PTK2: variants seen among roughly 807,000 people sequenced by gnomAD.
The protein encoded by PTK2 is focal adhesion kinase 1.
PTK2 carries 45 observed loss-of-function variants against 150.1 expected under a neutral mutation model. The observed-to-expected ratio is 0.30, with a 90% CI of 0.24 to 0.38. The LOEUF is 0.38. Ranked by LOEUF, PTK2 falls within the 10% of genes least tolerant of loss-of-function variation. PTK2 has a pLI of 1.00. For missense variants in PTK2, 919 were observed against 1,307.3 expected, an observed-to-expected ratio of 0.70 and a Z score of 4.58; for synonymous variants, 432 against 449.2, an observed-to-expected ratio of 0.96 and a Z score of 0.48.
At chr8:140,903,476 G>C (rs1028106502) in intron 2 of PTK2, among the ~76,000 whole-genome samples, 1 of 152,094 alleles carries the variant, frequency 6.6e-6, no homozygotes, top group African/African-American at 2.4e-5. Flanking sequence ...GGATTGAGTT[G>C]GCTATGCGGG....
intron 5 of PTK2, among the ~76,000 whole-genome samples, chr8:140,848,278 A>T (rs549153305): frequency 6.6e-6 from 1 of 152,328 alleles, no homozygotes; most frequent in Non-Finnish European, 1.5e-5. Context: ...AATATGCACT[A>T]AAAAAGTATG....
chr8:140,993,613 G>C (rs1239324597), intron 1 of PTK2, among the ~76,000 whole-genome samples: 5 of 152,146 alleles, frequency 3.3e-5, no homozygotes, highest in Non-Finnish European at 5.9e-5. Flanking sequence ...GGTCAAGAGA[G>C]ACACAGACAC....
intron 7 of PTK2, chr8:140,832,758 A>G: frequency 4.0e-6 from 2 of 504,784 alleles, no homozygotes; most frequent in South Asian, 1.4e-5. Context: ...CCGAGAACAG[A>G]AAGGTGGGTG....
intron 5 of PTK2, among the ~76,000 whole-genome samples, chr8:140,854,270 G>A (rs1007860972): frequency 1.3e-5 from 2 of 152,134 alleles, no homozygotes; most frequent in African/African-American, 4.8e-5. Context: ...ATCAGGCTCA[G>A]GCATCTGAAG....
In PTK2 at chr8:140,816,354, A is replaced by C. The variant is rs138477959; in HGVS notation, c.867+1923T>G. 4.5e-3 allele frequency among the ~76,000 whole-genome samples: 682 copies of C among 152,354 alleles called. 4 individuals carry two copies. Among genetic ancestry groups the C allele is most frequent in the African/African-American group, 0.016 (646 of 41,588 alleles). On this transcript the variant is annotated intron_variant, in intron 10 of 31. Coordinates refer to ENST00000522684, the Ensembl canonical transcript of PTK2. ...TCCTGAAACACAATATCAAAAAAAA[A>C]GCACTTTCACAAAATTTCACAAAAA...
At chr8:140,676,933 G>A in intron 27 of PTK2, among the ~76,000 whole-genome samples, 1 of 98,358 alleles carries the variant, frequency 1.0e-5, no homozygotes. Context: ...AACAGAGGGA[G>A]ACTCCATCTC....
At chr8:140,947,531 C>T (rs2100178101) in intron 1 of PTK2, among the ~76,000 whole-genome samples, 1 of 152,086 alleles carries the variant, frequency 6.6e-6, no homozygotes, top group Admixed American at 6.6e-5. Flanking sequence ...ACATGCCACC[C>T]CACCTCCTAA....
In PTK2 at chr8:140,901,436, G is replaced by C. The variant is rs114438843; in HGVS notation, c.-32-10667C>G. Among the ~76,000 whole-genome samples the C allele has an allele frequency of 3.4e-3, 525 of 152,182 alleles. 6 individuals carry two copies. The highest frequency in any genetic ancestry group is 0.012 in the African/African-American group (507 of 41,520). Reference sequence around the variant, plus strand: ...AATAAGACAAATGGGATTACATCAAGATAAAAAGCCTCTGCAGAGCAAAAG... The same window carrying C: ...AATAAGACAAATGGGATTACATCAACATAAAAAGCCTCTGCAGAGCAAAAG... On this transcript the variant is annotated intron_variant, in intron 2 of 31. Transcript: ENST00000522684.
intron 1 of PTK2, chr8:140,940,619 T>A (rs969889228): frequency 1.3e-5 from 2 of 152,186 alleles, no homozygotes; most frequent in African/African-American, 4.8e-5. Flanking sequence ...TGGTTAGTAG[T>A]ATTGGGATTG....
At chr8:140,658,740 T>C (rs1160161483) in exon 32 of PTK2, 1 of 220,146 alleles carries the variant, frequency 4.5e-6, no homozygotes, top group East Asian at 6.7e-5. Flanking sequence ...GTACAAAGCA[T>C]TTCTGCTTCC....
At chr8:140,928,847 G>A (rs1227911058) in intron 1 of PTK2, among the ~76,000 whole-genome samples, 1 of 151,148 alleles carries the variant, frequency 6.6e-6, no homozygotes, top group African/African-American at 2.4e-5. Flanking sequence ...AAAAATTCTA[G>A]AGATCTGTTT....
At position 140,793,336 on chromosome 8, in the gene PTK2, A is replaced by C; in HGVS notation, c.1124+18T>G. ...TTCCAACAAAACAAAATAACAGTAC[A>C]AAAAAAGCAGTACTTACTTTGGTAT... On this transcript the variant is annotated intron_variant, in intron 13 of 31. Transcript: ENST00000522684. 1 of 1,598,802 alleles carries C rather than the reference A, an allele frequency of 6.3e-7. No homozygotes were observed. Among genetic ancestry groups the C allele is most frequent in the South Asian group, 1.1e-5 (1 of 86,998 alleles).
chr8:140,945,322 T>C (rs970904612), intron 1 of PTK2, among the ~76,000 whole-genome samples: 2 of 152,252 alleles, frequency 1.3e-5, no homozygotes, highest in African/African-American at 4.8e-5. Flanking sequence ...CTATGGCTCA[T>C]GCCTGTAATC....
At chr8:140,916,955 T>C (rs2100165484) in intron 2 of PTK2, among the ~76,000 whole-genome samples, 1 of 152,182 alleles carries the variant, frequency 6.6e-6, no homozygotes, top group Admixed American at 6.5e-5. Context: ...TTTGTGAGAA[T>C]GGAATAACAT....
intron 1 of PTK2, among the ~76,000 whole-genome samples, chr8:140,940,978 A>T (rs578183906): frequency 2.4e-4 from 36 of 152,216 alleles, no homozygotes; most frequent in South Asian, 6.2e-4. Flanking sequence ...CTCAAAAAAA[A>T]TTTTTTTAAT....
chr8:140,972,223 T>C (rs2100187559), intron 1 of PTK2, among the ~76,000 whole-genome samples: 1 of 152,172 alleles, frequency 6.6e-6, no homozygotes, highest in Non-Finnish European at 1.5e-5. Flanking sequence ...GACCTGTATT[T>C]TTTTAATTAT....
At chr8:140,785,232 C>T (rs536343455) in intron 14 of PTK2, among the ~76,000 whole-genome samples, 61 of 152,342 alleles carry the variant, frequency 4.0e-4, no homozygotes, top group African/African-American at 1.3e-3. Context: ...TTTCTGCTGT[C>T]GGTTCCCGCT....
chr8:140,895,616 T>G (rs938957923), intron 2 of PTK2, among the ~76,000 whole-genome samples: 48 of 152,254 alleles, frequency 3.2e-4, no homozygotes, highest in African/African-American at 1.1e-3. Context: ...GGGGGGATGG[T>G]TAATGCACAG....
intron 1 of PTK2, among the ~76,000 whole-genome samples, chr8:140,968,369 G>A (rs536237586): frequency 5.9e-5 from 9 of 152,030 alleles, no homozygotes; most frequent in Admixed American, 3.9e-4. Flanking sequence ...TATGAACATC[G>A]AGTTGATCCT....
Sources: gnomAD v4.1 joint callset for allele counts (sites outside exome capture counted in the v4.1 genomes callset) on GRCh38, gnomAD v4.1.1 for gene constraint, MANE v1.5 for transcripts, NCBI Gene and HGNC (gene_info 2026-07-23, HGNC 2026-07-21) for gene names.